HIVEP3: variants seen among roughly 807,000 people sequenced by gnomAD.
HIVEP3 encodes the protein HIVEP zinc finger 3, also known as transcription factor HIVEP3.
In HIVEP3, 49 loss-of-function variants were observed where a neutral mutation model predicts 152.8. The ratio of observed to expected loss-of-function variants is 0.32; its 90% CI spans 0.26 to 0.41. The LOEUF is 0.41. Ranked by LOEUF, HIVEP3 falls within the 10% of genes least tolerant of loss-of-function variation. The pLI is 1.00. For missense variants in HIVEP3, 2,790 were observed against 3,103.3 expected, an observed-to-expected ratio of 0.90 and a Z score of 2.40; for synonymous variants, 1,269 against 1,289.0, an observed-to-expected ratio of 0.98 and a Z score of 0.33.
intron 5 of HIVEP3, chr1:41,535,474 G>A (rs1251150779): frequency 6.6e-6 from 1 of 152,236 alleles, no homozygotes; most frequent in Non-Finnish European, 1.5e-5. Context: ...AGGGGAGCAA[G>A]TGACCAACTT....
chr1:41,570,683 G>A (rs930902238), intron 5 of HIVEP3, among the ~76,000 whole-genome samples: 17 of 152,174 alleles, frequency 1.1e-4, no homozygotes, highest in East Asian at 5.8e-4. Flanking sequence ...CTGCATGGAC[G>A]AGCGAAGGAT....
intron 1 of HIVEP3, among the ~76,000 whole-genome samples, chr1:42,001,909 G>A (rs72951295): frequency 0.011 from 1,704 of 151,912 alleles, 27 homozygotes; most frequent in African/African-American, 0.038. Context: ...GGGGTAGCCC[G>A]GGCCTGGCAG....
chr1:41,877,879 G>T (rs1335214353), intron 1 of HIVEP3, among the ~76,000 whole-genome samples: 1 of 152,076 alleles, frequency 6.6e-6, no homozygotes, highest in Non-Finnish European at 1.5e-5. Context: ...ATGATAATCA[G>T]ATAATTTAAA....
intron 5 of HIVEP3, among the ~76,000 whole-genome samples, chr1:41,527,017 CCA>C (rs1360552983): frequency 1.2e-4 from 14 of 112,664 alleles, no homozygotes; most frequent in African/African-American, 3.5e-4. Context: ...GCTTACACCC[CCA>C]CACTCACCCC....
At chr1:41,792,457 CT>C (rs1261688769) in intron 1 of HIVEP3, among the ~76,000 whole-genome samples, 1 of 152,344 alleles carries the variant, frequency 6.6e-6, no homozygotes, top group East Asian at 1.9e-4. Context: ...GTGGTGCTGC[CT>C]GTCACCATCT....
rs538054811 is a variant in HIVEP3, at chr1:41,508,547, T to G, written c.*1904A>C. 6.6e-6 allele frequency: 1 copy of G among 152,452 alleles called. No individual in the cohort carries two copies. Among genetic ancestry groups the G allele is most frequent in the South Asian group, 2.1e-4 (1 of 4,828 alleles). The allele number at this position is 152,452 out of a possible 1,614,324, so 9.4% of individuals were successfully genotyped here. On this transcript the variant is annotated 3_prime_UTR_variant, in exon 9 of 9. Coordinates refer to ENST00000372583, the MANE Select transcript of HIVEP3 (RefSeq NM_024503.5). ...TGGACTCCCAGGGAGCCCTGCCTTC[T>G]GTCTCATTTTTGTCTTAGCTCTGAG... is the stretch of plus-strand genomic sequence containing the variant.
intron 1 of HIVEP3, among the ~76,000 whole-genome samples, chr1:41,814,640 AT>A (rs1260687520): frequency 6.6e-6 from 1 of 152,242 alleles, no homozygotes; most frequent in Non-Finnish European, 1.5e-5. Flanking sequence ...CTCCCACAGC[AT>A]GCTAATCTTG....
At chr1:41,659,968 G>A (rs1464423014) in intron 2 of HIVEP3, among the ~76,000 whole-genome samples, 1 of 152,236 alleles carries the variant, frequency 6.6e-6, no homozygotes, top group East Asian at 1.9e-4. Flanking sequence ...GTGTGAGAGT[G>A]TGCGTAGGAG....
chr1:41,761,289 C>A (rs1156440150), intron 1 of HIVEP3, among the ~76,000 whole-genome samples: 5 of 151,750 alleles, frequency 3.3e-5, no homozygotes, highest in Non-Finnish European at 5.9e-5. Flanking sequence ...TGTGTATACA[C>A]CTACGTGAGT....
At chr1:42,006,567 CAAAAAAA>C (rs35692836) in intron 1 of HIVEP3, among the ~76,000 whole-genome samples, 1 of 132,870 alleles carries the variant, frequency 7.5e-6, no homozygotes, top group Non-Finnish European at 1.6e-5. Flanking sequence ...TTTCCAAAGC[CAAAAAAA>C]AAAAAAAAAA....
At chr1:41,773,945 C>A (rs572263963) in intron 1 of HIVEP3, among the ~76,000 whole-genome samples, 181 of 152,328 alleles carry the variant, frequency 1.2e-3, no homozygotes, top group African/African-American at 4.1e-3. Flanking sequence ...AAGACAAAAT[C>A]AATGCTACTG....
At chr1:41,832,869 T>G (rs1371296171) in intron 1 of HIVEP3, among the ~76,000 whole-genome samples, 5 of 152,196 alleles carry the variant, frequency 3.3e-5, no homozygotes, top group Non-Finnish European at 7.3e-5. Context: ...CCAAAACCAA[T>G]GCTGATTTTA....
intron 5 of HIVEP3, among the ~76,000 whole-genome samples, chr1:41,573,552 A>G (rs1569959588): frequency 6.6e-6 from 1 of 152,336 alleles, no homozygotes; most frequent in East Asian, 1.9e-4. Flanking sequence ...TACCTTCCAT[A>G]TCTGACAGAA....
At chr1:41,570,200 T>C (rs1472554126) in intron 5 of HIVEP3, among the ~76,000 whole-genome samples, 2 of 152,156 alleles carry the variant, frequency 1.3e-5, no homozygotes, top group African/African-American at 4.8e-5. Context: ...GATCAGGCGA[T>C]GATGGGACTC....
intron 2 of HIVEP3, among the ~76,000 whole-genome samples, chr1:41,633,804 A>G (rs1188020440): frequency 5.3e-5 from 8 of 151,986 alleles, no homozygotes; most frequent in East Asian, 3.9e-4. Flanking sequence ...AGAAAACCCA[A>G]CCTTGCCTCC....
At chr1:41,679,066 G>A (rs1645999341) in intron 2 of HIVEP3, among the ~76,000 whole-genome samples, 1 of 152,214 alleles carries the variant, frequency 6.6e-6, no homozygotes. Context: ...TACATCTCAA[G>A]GATCCTGGGT....
intron 3 of HIVEP3, among the ~76,000 whole-genome samples, chr1:41,622,851 C>T (rs1007059203): frequency 6.6e-6 from 1 of 152,204 alleles, no homozygotes; most frequent in Non-Finnish European, 1.5e-5. Flanking sequence ...AACAACATTG[C>T]TGTTTTTTAT....
chr1:41,744,076 G>A (rs1183230442), intron 1 of HIVEP3, among the ~76,000 whole-genome samples: 1 of 151,432 alleles, frequency 6.6e-6, no homozygotes, highest in Non-Finnish European at 1.5e-5. Context: ...GTCTCACTCT[G>A]TCGCCGATGC....
At chr1:41,569,899 T>C (rs780696270) in intron 5 of HIVEP3, among the ~76,000 whole-genome samples, 5 of 152,250 alleles carry the variant, frequency 3.3e-5, no homozygotes, top group Non-Finnish European at 7.3e-5. Context: ...GGAACAGTAA[T>C]GAATTAAATA....
Sources: gnomAD v4.1 joint callset for allele counts (sites outside exome capture counted in the v4.1 genomes callset) on GRCh38, gnomAD v4.1.1 for gene constraint, MANE v1.5 for transcripts, NCBI Gene and HGNC (gene_info 2026-07-23, HGNC 2026-07-21) for gene names.